Variants in UBL7 observed in about 807,000 individuals in gnomAD.
UBL7 encodes ubiquitin like 7.
UBL7 carries 21 observed loss-of-function variants against 41.7 expected under a neutral mutation model. The observed-to-expected ratio is 0.50, with a 90% CI of 0.36 to 0.73. The LOEUF (loss-of-function observed/expected upper bound fraction) is 0.73. UBL7 is among the 30% of genes least tolerant of loss of function. The probability of loss-of-function intolerance (pLI) is 0.00; values close to 1 mark genes in which losing one functional copy is unlikely to be tolerated. For synonymous variants in UBL7, 157 were observed against 186.9 expected (o/e 0.84, Z 1.31); for missense variants, 403 against 478.4 (o/e 0.84, Z 1.47).
At position 74,456,561 on chromosome 15, in the gene UBL7, G is replaced by A; in HGVS notation, c.295C>T (p.Gln99Ter). The A allele has an allele frequency of 6.2e-7, 1 of 1,614,000 alleles. No individual in the cohort carries two copies. Among genetic ancestry groups the A allele is most frequent in the Non-Finnish European group, 8.5e-7 (1 of 1,179,924 alleles). ...GCTGCCCCTCACTCACCCGGTTTCTGATCAGGTTCAGGCCAGGACTTTCGC... is the reference window on the plus strand; with the variant it reads ...GCTGCCCCTCACTCACCCGGTTTCTAATCAGGTTCAGGCCAGGACTTTCGC... ...VLRKSWPEPD[Q>*]KPEPVDKVAA... is the part of the protein sequence containing the mutation. Residue 99 changes from glutamine to a stop codon, truncating the protein, a stop_gained, in exon 3 of 11, where the codon CAG becomes TAG. Transcript: ENST00000395081. LOFTEE classifies it high-confidence loss of function.
intron 9 of UBL7, 76 bp downstream of exon 9, chr15:74,449,110 A>C: frequency 6.8e-7 from 1 of 1,478,512 alleles, no homozygotes; most frequent in Non-Finnish European, 9.0e-7. Context: ...GGGTCAGCAA[A>C]GGCAAATCTA....
In UBL7 at chr15:74,449,843, T is replaced by A. The variant is rs1021662408; in HGVS notation, c.664+93A>T. 1.4e-5 allele frequency: 22 copies of A among 1,544,506 alleles called. 1 individual carries two copies. In the South Asian group the frequency reaches 2.7e-4, roughly 19 times the overall value. Reference sequence around the variant, plus strand: ...AACCGAGAGTTCCCAAGGAACGCCCTCTGCCAACGCTATACATAGCTGCTG... The same window carrying A: ...AACCGAGAGTTCCCAAGGAACGCCCACTGCCAACGCTATACATAGCTGCTG... On this transcript the variant is annotated intron_variant, in intron 7 of 10. Coordinates refer to ENST00000395081, the MANE Select transcript of UBL7 (RefSeq NM_032907.5).
rs1265527807 is a variant in UBL7, at chr15:74,458,858, A to G, written c.10T>C (p.Ser4Pro). Residue 4 changes from serine to proline, a missense_variant, in exon 2 of 11, where the codon TCA becomes CCA. Coordinates refer to ENST00000395081, the MANE Select transcript of UBL7 (RefSeq NM_032907.5). Reference sequence around the variant, plus strand: ...AGCTTCACCGCCAGGTGCCAGTCTGAGAGAGACATCCTCTCTCTTTCGCGC... The same window carrying G: ...AGCTTCACCGCCAGGTGCCAGTCTGGGAGAGACATCCTCTCTCTTTCGCGC... MSL[S>P]DWHLAVKLAD... The G allele has an allele frequency of 1.9e-6, 3 of 1,611,188 alleles. No homozygotes were observed. The highest frequency in any genetic ancestry group is 2.5e-6 in the Non-Finnish European group (3 of 1,180,034).
rs752500853 is a variant in UBL7, at chr15:74,451,469, T to C, written c.439A>G (p.Thr147Ala). The C allele has an allele frequency of 4.3e-6, 7 of 1,613,912 alleles. No homozygotes were observed. Among genetic ancestry groups the C allele is most frequent in the Non-Finnish European group, 4.2e-6 (5 of 1,180,008 alleles). The change falls in exon 5 of 11, where the codon ACC becomes GCC. Residue 147 changes from threonine (T) to alanine (A), a missense_variant. By Grantham distance (58) the Thr-to-Ala change is moderately conservative. Transcript: ENST00000395081. The part of the protein sequence containing the change: ...KESLDQIIVA[T>A]PGLSSDPIAL... The stretch of plus-strand genomic sequence containing the variant: ...ATAGGGTCACTGCTGAGGCCTGGGG[T>C]GGCCACAATGATCTGATCCAGAGAC...
rs1283143973 is a variant in UBL7 at position 74,458,765 on chromosome 15, G to C, written c.103C>G (p.Leu35Val). The C allele has an allele frequency of 1.9e-6, 3 of 1,613,890 alleles. No individual in the cohort carries two copies. The African/African-American group carries it at 4.0e-5, about 22-fold the overall frequency. ...LPETELGEYS[L>V]GGYSISFLKQ... ...AGAAATGAAATACTATAGCCCCCTA[G>C]CGAGTATTCTCCCAGTTCTGTCTCT... Residue 35 changes from leucine (L) to valine (V), a missense_variant, in exon 2 of 11, where the codon CTA becomes GTA. Transcript: ENST00000395081.
chr15:74,448,394 AG>A, intron 10 of UBL7, 83 bp downstream of exon 10: 1 of 1,582,662 alleles, frequency 6.3e-7, no homozygotes, highest in Non-Finnish European at 8.6e-7. Context: ...CCAGGTGTGA[AG>A]GACCGCCAGA....
intron 1 of UBL7, 93 bp from the exon 2 acceptor site, chr15:74,458,989 G>A: frequency 8.0e-7 from 1 of 1,256,968 alleles, no homozygotes; most frequent in African/African-American, 1.5e-5. Flanking sequence ...ACAATTCAAT[G>A]TGACACTGTT....
intron 1 of UBL7, among the ~76,000 whole-genome samples, chr15:74,459,650 A>T (rs898060893): frequency 6.6e-6 from 1 of 151,568 alleles, no homozygotes; most frequent in Non-Finnish European, 1.5e-5. Context: ...GATCTGACCA[A>T]GTCACTTCTC....
At chr15:74,448,978 C>A (rs1047922599) in intron 9 of UBL7, among the ~76,000 whole-genome samples, 1 of 152,138 alleles carries the variant, frequency 6.6e-6, no homozygotes, top group Non-Finnish European at 1.5e-5. Context: ...GGGGACTACA[C>A]GGGACCATGT....
Position 74,446,927 on chromosome 15 carries a change from G to A in UBL7, c.1006-700C>T, listed in dbSNP as rs935050291. On this transcript the variant is annotated intron_variant, in intron 10 of 10. Transcript: ENST00000395081. This position sits in a 1 kb window ranked among gnomAD's most constrained non-coding sequence, Gnocchi z 4.1. ...ATGAGCACAATTTAGGGAAAACAAC[G>A]TGTTCACATGTGGGAAGAAGGCAAT... 7.2e-5 allele frequency among the ~76,000 whole-genome samples: 11 copies of A among 152,174 alleles called. No homozygotes were observed. Among genetic ancestry groups the A allele is most frequent in the Middle Eastern group, 6.8e-3 (2 of 294 alleles).
chr15:74,449,820 C>T (rs2141313473), intron 7 of UBL7, 116 bp downstream of exon 7: 2 of 1,536,102 alleles, frequency 1.3e-6, no homozygotes, highest in Middle Eastern at 3.4e-4. Flanking sequence ...CTGACTCAAA[C>T]CGAGAGTTCC....
intron 3 of UBL7, among the ~76,000 whole-genome samples, chr15:74,455,192 G>GT (rs1314676234): frequency 6.6e-6 from 1 of 152,188 alleles, no homozygotes; most frequent in Non-Finnish European, 1.5e-5. Context: ...AGAACTGAAA[G>GT]GGGGGTAAAT....
Position 74,450,146 on chromosome 15 carries a change from C to T in UBL7, c.531-77G>A, listed in dbSNP as rs560769742. ...AGCCATAACAGGAGTTCTGGGTGCC[C>T]CCTCACAACAATGCAGCCACCTGTG... On this transcript the variant is annotated intron_variant, in intron 6 of 10. Coordinates refer to ENST00000395081, the MANE Select transcript of UBL7 (RefSeq NM_032907.5). 14 of 1,470,652 alleles carry T rather than the reference C, an allele frequency of 9.5e-6. No homozygotes were observed. In the South Asian group the frequency reaches 1.8e-4, roughly 19 times the overall value. The allele number at this position is 1,470,652 out of a possible 1,614,324, so 91.1% of individuals were successfully genotyped here. A position where few individuals can be genotyped will look rare whatever the true frequency, so the allele number is the denominator to read the frequency against.
intron 7 of UBL7, 97 bp downstream of exon 7, chr15:74,449,839 G>A (rs2061224492): frequency 3.2e-6 from 5 of 1,539,518 alleles, no homozygotes; most frequent in Non-Finnish European, 2.6e-6. Flanking sequence ...CCCAAGGAAC[G>A]CCCTCTGCCA....
intron 10 of UBL7, among the ~76,000 whole-genome samples, chr15:74,447,968 C>G (rs1056920931): frequency 3.3e-5 from 5 of 152,198 alleles, no homozygotes; most frequent in African/African-American, 1.2e-4. Flanking sequence ...CTCAAACCCC[C>G]TTCCCTGGCT....
At position 74,458,758 on chromosome 15, in the gene UBL7, C is replaced by T. The variant is rs751821573; in HGVS notation, c.110G>A (p.Gly37Asp). 2 of 1,614,002 alleles carry T rather than the reference C, an allele frequency of 1.2e-6. No individual in the cohort carries two copies. Among genetic ancestry groups the T allele is most frequent in the East Asian group, 2.2e-5 (1 of 44,886 alleles). The change falls in exon 2 of 11, where the codon GGC becomes GAC. Residue 37 changes from glycine to aspartate, a missense_variant. Coordinates refer to ENST00000395081, the MANE Select transcript of UBL7 (RefSeq NM_032907.5). The part of the protein sequence containing the change: ...ETELGEYSLG[G>D]YSISFLKQLI... ...CTGCTTCAGAAATGAAATACTATAG[C>T]CCCCTAGCGAGTATTCTCCCAGTTC...
chr15:74,449,598 A>G, intron 8 of UBL7, 28 bp downstream of exon 8: 1 of 1,614,020 alleles, frequency 6.2e-7, no homozygotes, highest in South Asian at 1.1e-5. Context: ...ACATGTCAGC[A>G]TGTCAGGCAG....
chr15:74,450,186 C>T, intron 6 of UBL7, 117 bp from the exon 7 acceptor site: 3 of 1,276,834 alleles, frequency 2.3e-6, no homozygotes, highest in Non-Finnish European at 3.2e-6. Context: ...CTCTCAAATT[C>T]CTCAGTCTTT....
At chr15:74,458,343 T>C (rs1234390746) in intron 2 of UBL7, among the ~76,000 whole-genome samples, 1 of 151,986 alleles carries the variant, frequency 6.6e-6, no homozygotes, top group Non-Finnish European at 1.5e-5. Context: ...GAGGCAGAAT[T>C]GCTTGAACTG....
Sources: gnomAD v4.1 joint callset for allele counts (sites outside exome capture counted in the v4.1 genomes callset) on GRCh38, gnomAD v4.1.1 for gene constraint, Gnocchi (gnomAD v3.1) non-coding constraint, MANE v1.5 for transcripts, NCBI Gene and HGNC (gene_info 2026-07-23, HGNC 2026-07-21) for gene names.